TNNT1: variants seen among roughly 807,000 people sequenced by gnomAD.
TNNT1 encodes the protein troponin T1, slow skeletal type.
Under a neutral mutation model 50.6 loss-of-function variants are expected in TNNT1, and 53 were observed. The observed-to-expected ratio is 1.05, with a 90% CI of 0.84 to 1.32. The LOEUF is 1.32. TNNT1 is among the 40% of genes most tolerant of loss of function. The pLI, the probability that TNNT1 is intolerant of heterozygous loss-of-function variation, is 0.00. For missense variants in TNNT1, 348 were observed against 381.7 expected (o/e 0.91, Z 0.74); for synonymous variants, 142 against 138.0 (o/e 1.03, Z -0.20).
At chr19:55,134,866 A>G in intron 11 of TNNT1, among the ~76,000 whole-genome samples, 1 of 134,750 alleles carries the variant, frequency 7.4e-6, no homozygotes, top group Admixed American at 7.9e-5. Context: ...GAGGGGAAAG[A>G]AAAGGAAGAA....
At position 55,133,680 on chromosome 19, in the gene TNNT1, TA is replaced by T. The variant is rs377688637; in HGVS notation, c.791+206del. 88,904 of 438,236 alleles carry T rather than the reference TA, an allele frequency of 0.2. No homozygotes were observed. Among genetic ancestry groups the T allele is most frequent in the Middle Eastern group, 0.23 (391 of 1,734 alleles). 27.1% of individuals were successfully genotyped at this position (438,236 alleles called of 1,614,324 possible). ...GTGACAGAGCGAGACGCAGTCTCAA[TA>T]AAAAAAAAAAAAAAGAAAGAAAAAG... On this transcript the variant is annotated intron_variant, in intron 13 of 13. Transcript: ENST00000588981.
intron 9 of TNNT1, among the ~76,000 whole-genome samples, chr19:55,140,387 T>C (rs2085428307): frequency 6.6e-6 from 1 of 150,688 alleles, no homozygotes; most frequent in East Asian, 2.0e-4. Context: ...GGAAAATCAT[T>C]TGAGCCCAGG....
At chr19:55,145,428 G>T in intron 6 of TNNT1, 116 bp downstream of exon 6, 2 of 920,876 alleles carry the variant, frequency 2.2e-6, no homozygotes, top group South Asian at 1.5e-5. Flanking sequence ...GAGAAATGTC[G>T]ACTGCTGTTT....
intron 1 of TNNT1, among the ~76,000 whole-genome samples, chr19:55,147,549 A>G (rs1439425270): frequency 1.6e-4 from 3 of 18,636 alleles, no homozygotes; most frequent in Non-Finnish European, 3.0e-4. Flanking sequence ...GATCTGAGGG[A>G]GGAGGGGCTG....
At chr19:55,138,366 C>T (rs1200578548) in intron 9 of TNNT1, among the ~76,000 whole-genome samples, 2 of 152,056 alleles carry the variant, frequency 1.3e-5, no homozygotes, top group Non-Finnish European at 2.9e-5. Context: ...CAACCTCCGC[C>T]TCCCGGGTTT....
chr19:55,133,522 A>T (rs767483597), intron 13 of TNNT1: 8 of 354,388 alleles, frequency 2.3e-5, no homozygotes, highest in Non-Finnish European at 3.7e-5. Context: ...TACTAAAAAT[A>T]CAAAAATTAG....
chr19:55,140,644 G>C (rs1278632927), intron 9 of TNNT1: 6 of 205,108 alleles, frequency 2.9e-5, no homozygotes, highest in Admixed American at 1.0e-4. Flanking sequence ...GGGCGTGGTG[G>C]TGCGCACCTG....
chr19:55,148,986 C>T (rs749899210), intron 1 of TNNT1, among the ~76,000 whole-genome samples, 175 bp downstream of exon 1: 20 of 152,082 alleles, frequency 1.3e-4, no homozygotes, highest in Non-Finnish European at 2.8e-4. Context: ...AGTATTTTCC[C>T]CTCTATCCTG....
intron 13 of TNNT1, chr19:55,133,438 A>AG (rs1956301263): frequency 3.4e-6 from 1 of 297,126 alleles, no homozygotes; most frequent in African/African-American, 2.2e-5. Flanking sequence ...CCAGCACTTT[A>AG]GGAGGCCAAG....
At chr19:55,145,600 C>A in intron 5 of TNNT1, 35 bp from the exon 6 acceptor site, 1 of 1,613,200 alleles carries the variant, frequency 6.2e-7, no homozygotes, top group South Asian at 1.1e-5. Flanking sequence ...AGATAATTAG[C>A]AAGAGTTTAG....
At chr19:55,146,805 C>G in intron 3 of TNNT1, 98 bp from the exon 4 acceptor site, 1 of 1,156,808 alleles carries the variant, frequency 8.6e-7, no homozygotes, top group Non-Finnish European at 1.2e-6. Context: ...GGACGGGGGT[C>G]CCTCTGGCCT....
In TNNT1 at chr19:55,140,982, G is replaced by C. The variant is rs200524604; in HGVS notation, c.310-22C>G. ...GCTCCTGGGAAACGGAGAAGCATAA[G>C]GGGGTGCAGGGACGTACCCCCAGTC... On this transcript the variant is annotated intron_variant, in intron 8 of 13. Coordinates refer to ENST00000588981, the MANE Select transcript of TNNT1 (RefSeq NM_003283.6). 66 of 1,613,364 alleles carry C rather than the reference G, an allele frequency of 4.1e-5. No homozygotes were observed. The Admixed American group carries it at 1.1e-3, about 27-fold the overall frequency.
In TNNT1 at chr19:55,145,549, T is replaced by A. The variant is rs768990278; in HGVS notation, c.123A>T (p.Lys41Asn). 6.2e-7 allele frequency: 1 copy of A among 1,612,994 alleles called. No individual in the cohort carries two copies. The highest frequency in any genetic ancestry group is 1.7e-5 in the Admixed American group (1 of 59,930). Reference protein sequence around the residue: ...PVAEPEEERPKPSRPVVPPLI... With the variant: ...PVAEPEEERPNPSRPVVPPLI... The stretch of plus-strand genomic sequence containing the variant: ...CCCACCCTGTAGGATCTCACCTTGG[T>A]TTGGGGCGTTCCTCTTCTGTTGGTG... Residue 41 changes from lysine to asparagine, a missense_variant, in exon 6 of 14, where the codon AAA becomes AAT. Transcript: ENST00000588981.
chr19:55,137,057 G>T, intron 11 of TNNT1, 46 bp downstream of exon 11: 2 of 1,248,884 alleles, frequency 1.6e-6, no homozygotes, highest in South Asian at 1.2e-5. Flanking sequence ...TTATCCCCCT[G>T]TCTCACACCC....
At chr19:55,145,233 A>G (rs2085526109) in intron 6 of TNNT1, among the ~76,000 whole-genome samples, 1 of 151,246 alleles carries the variant, frequency 6.6e-6, no homozygotes, top group Non-Finnish European at 1.5e-5. Context: ...CAAGATGTTG[A>G]GGCAGTGGGC....
At chr19:55,146,586 G>C in intron 4 of TNNT1, 95 bp downstream of exon 4, 2 of 1,232,954 alleles carry the variant, frequency 1.6e-6, no homozygotes, top group African/African-American at 1.5e-5. Flanking sequence ...CGGGAGCCGA[G>C]GCCGTCGGGA....
intron 10 of TNNT1, 119 bp from the exon 11 acceptor site, chr19:55,137,331 C>T (rs1291186190): frequency 1.8e-5 from 13 of 705,438 alleles, no homozygotes; most frequent in East Asian, 1.6e-4. Flanking sequence ...CAGGTCTGCA[C>T]CCCAGGCCCA....
At chr19:55,142,722 A>C (rs1207162204) in intron 6 of TNNT1, among the ~76,000 whole-genome samples, 1 of 151,170 alleles carries the variant, frequency 6.6e-6, no homozygotes, top group Non-Finnish European at 1.5e-5. Context: ...TAATTTTTGT[A>C]TTTTTAGTAG....
chr19:55,138,629 G>A (rs1487510218), intron 9 of TNNT1, among the ~76,000 whole-genome samples: 1 of 151,934 alleles, frequency 6.6e-6, no homozygotes, highest in Admixed American at 6.6e-5. Context: ...TGAAGGAGAA[G>A]AAGAAATGCC....
Sources: allele counts gnomAD v4.1 joint callset (sites outside exome capture counted in the v4.1 genomes callset), GRCh38; gene constraint gnomAD v4.1.1; transcripts MANE v1.5; gene names NCBI Gene and HGNC (gene_info 2026-07-23, HGNC 2026-07-21).